TMEM132D: variants seen among roughly 807,000 people sequenced by gnomAD.
TMEM132D encodes the protein mature OL transmembrane protein.
In TMEM132D, 21 loss-of-function variants were observed where a neutral mutation model predicts 62.3. That is an observed-to-expected ratio of 0.34 (90% confidence interval 0.24 to 0.49). The LOEUF (loss-of-function observed/expected upper bound fraction) is 0.49, where lower values mean the gene tolerates loss of function less well. Ranked by LOEUF, TMEM132D falls within the 20% of genes least tolerant of loss-of-function variation. The pLI, the probability that TMEM132D is intolerant of heterozygous loss-of-function variation, is 0.99. For synonymous variants in TMEM132D, 621 were observed against 575.6 expected (o/e 1.08, Z -1.13); for missense variants, 1,346 against 1,402.8 (o/e 0.96, Z 0.65).
intron 1 of TMEM132D, among the ~76,000 whole-genome samples, chr12:129,866,256 T>C (rs1331122735): frequency 6.6e-6 from 1 of 152,128 alleles, no homozygotes; most frequent in African/African-American, 2.4e-5. Flanking sequence ...TGGAATACTA[T>C]GCAGCCATAA....
chr12:129,199,991 T>A (rs139285653), intron 5 of TMEM132D, among the ~76,000 whole-genome samples: 15 of 152,250 alleles, frequency 9.9e-5, no homozygotes, highest in African/African-American at 3.6e-4. Flanking sequence ...TAGGAAAGAA[T>A]CACCACTATT....
At chr12:129,664,653 C>T (rs1314152472) in intron 2 of TMEM132D, among the ~76,000 whole-genome samples, 1 of 151,994 alleles carries the variant, frequency 6.6e-6, no homozygotes, top group African/African-American at 2.4e-5. Flanking sequence ...TCTCGATCCC[C>T]TGAACTCATG....
chr12:129,775,560 C>A (rs1348525650), intron 1 of TMEM132D, among the ~76,000 whole-genome samples: 1 of 152,124 alleles, frequency 6.6e-6, no homozygotes, highest in Non-Finnish European at 1.5e-5. Flanking sequence ...CTGAGGCCAA[C>A]TAACAAAGGG....
At chr12:129,687,018 G>T (rs1178200323) in intron 2 of TMEM132D, among the ~76,000 whole-genome samples, 2 of 152,138 alleles carry the variant, frequency 1.3e-5, no homozygotes, top group African/African-American at 4.8e-5. Context: ...GATGTTATAG[G>T]CTATGACTCA....
intron 4 of TMEM132D, among the ~76,000 whole-genome samples, chr12:129,281,942 C>A (rs761744008): frequency 7.2e-5 from 11 of 152,338 alleles, no homozygotes; most frequent in Admixed American, 2.0e-4. Context: ...CTCCAGCCCT[C>A]CCTGTGGGGT....
chr12:129,869,064 GT>G (rs11308735), intron 1 of TMEM132D, among the ~76,000 whole-genome samples: 91,542 of 147,324 alleles, frequency 0.62, 29,048 homozygotes, highest in South Asian at 0.75. Flanking sequence ...TTTGCTTTGT[GT>G]TTTTTTTTTT....
At chr12:129,426,254 A>G (rs1172766368) in intron 3 of TMEM132D, among the ~76,000 whole-genome samples, 1 of 152,086 alleles carries the variant, frequency 6.6e-6, no homozygotes, top group Non-Finnish European at 1.5e-5. Flanking sequence ...TCCCCCTGCC[A>G]ATATTTAGGA....
intron 8 of TMEM132D, among the ~76,000 whole-genome samples, chr12:129,075,976 C>T (rs1457814051): frequency 6.9e-6 from 1 of 144,608 alleles, no homozygotes; most frequent in Non-Finnish European, 1.5e-5. Context: ...AGATGATGAA[C>T]AGCACTAGGT....
chr12:129,814,611 C>CACA (rs1872290132), intron 1 of TMEM132D, among the ~76,000 whole-genome samples: 1 of 94,610 alleles, frequency 1.1e-5, no homozygotes, highest in Non-Finnish European at 1.9e-5. Context: ...AACTCCCTCT[C>CACA]AAAAAAAAAA....
At chr12:129,581,268 A>G (rs1295899191) in intron 2 of TMEM132D, among the ~76,000 whole-genome samples, 2 of 152,196 alleles carry the variant, frequency 1.3e-5, no homozygotes, top group Admixed American at 6.5e-5. Flanking sequence ...AGACGTTGGC[A>G]CCATGCTTCT....
intron 2 of TMEM132D, among the ~76,000 whole-genome samples, chr12:129,653,309 G>A (rs1413610210): frequency 6.6e-6 from 1 of 152,200 alleles, no homozygotes; most frequent in Non-Finnish European, 1.5e-5. Context: ...CACAGCCAGG[G>A]CTTCCGGCTA....
At chr12:129,557,096 T>G (rs1877084083) in intron 2 of TMEM132D, among the ~76,000 whole-genome samples, 1 of 152,228 alleles carries the variant, frequency 6.6e-6, no homozygotes, top group Admixed American at 6.5e-5. Flanking sequence ...TAAAGAAATA[T>G]ATAGACAACC....
intron 3 of TMEM132D, among the ~76,000 whole-genome samples, chr12:129,489,396 G>A (rs938835395): frequency 2.6e-5 from 4 of 152,204 alleles, no homozygotes; most frequent in Admixed American, 6.5e-5. Context: ...GTGAGGCAGT[G>A]TTTGGGCCTT....
At chr12:129,887,060 C>A (rs1266645940) in intron 1 of TMEM132D, among the ~76,000 whole-genome samples, 2 of 152,178 alleles carry the variant, frequency 1.3e-5, no homozygotes, top group East Asian at 3.9e-4. Flanking sequence ...TGAGAACAGA[C>A]TAATACACTC....
intron 5 of TMEM132D, among the ~76,000 whole-genome samples, chr12:129,098,016 T>C (rs74747422): frequency 2.6e-5 from 4 of 152,376 alleles, no homozygotes; most frequent in South Asian, 4.1e-4. Flanking sequence ...ATTTCTCCTA[T>C]GTTATCTTCT....
intron 5 of TMEM132D, among the ~76,000 whole-genome samples, chr12:129,141,625 C>T (rs1211053057): frequency 6.6e-6 from 1 of 151,922 alleles, no homozygotes; most frequent in African/African-American, 2.4e-5. Context: ...CGAGCATGAC[C>T]CAGAATAAGT....
intron 1 of TMEM132D, among the ~76,000 whole-genome samples, chr12:129,731,419 A>G (rs1869233072): frequency 6.6e-6 from 1 of 152,158 alleles, no homozygotes; most frequent in Non-Finnish European, 1.5e-5. Flanking sequence ...GGGGAAGAGG[A>G]TGCTATTTTC....
intron 2 of TMEM132D, among the ~76,000 whole-genome samples, chr12:129,692,491 T>C (rs762569871): frequency 8.5e-5 from 13 of 152,244 alleles, no homozygotes; most frequent in Non-Finnish European, 1.3e-4. Context: ...ATTCTGGGTA[T>C]ATACCCAAAG....
intron 4 of TMEM132D, among the ~76,000 whole-genome samples, chr12:129,289,566 A>AAAAAAAAAAAAAAAG (rs1566023043): frequency 8.3e-5 from 12 of 144,718 alleles, no homozygotes; most frequent in African/African-American, 1.3e-4. Flanking sequence ...AAAAAAAAAG[A>AAAAAAAAAAAAAAAG]AAAAAAAGAA....
Sources: allele counts gnomAD v4.1 joint callset (sites outside exome capture counted in the v4.1 genomes callset), GRCh38; gene constraint gnomAD v4.1.1; transcripts MANE v1.5; gene names NCBI Gene and HGNC (gene_info 2026-07-23, HGNC 2026-07-21).